The following WDR7 variants were observed in gnomAD, a reference collection of about 807,000 sequenced individuals.
WDR7 encodes the protein WD repeat domain 7, also known as WD repeat-containing protein 7.
In WDR7, 46 loss-of-function variants were observed where a neutral mutation model predicts 169.4. That is an observed-to-expected ratio of 0.27 (90% CI 0.21 to 0.35). The LOEUF (loss-of-function observed/expected upper bound fraction) is 0.35. Ranked by LOEUF, WDR7 falls within the 10% of genes least tolerant of loss-of-function variation. The pLI is 1.00. For missense variants in WDR7, 1,534 were observed against 1,859.3 expected (o/e 0.83, Z 3.22); for synonymous variants, 612 against 666.8 (o/e 0.92, Z 1.27).
intron 26 of WDR7, among the ~76,000 whole-genome samples, chr18:56,964,634 C>T (rs1260019586): frequency 6.6e-6 from 1 of 152,096 alleles, no homozygotes; most frequent in Admixed American, 6.5e-5. Context: ...GTGATCCGCC[C>T]ACCTCAGCCT....
chr18:56,681,530 G>C (rs1486746709), intron 4 of WDR7, 139 bp downstream of exon 4: 5 of 528,300 alleles, frequency 9.5e-6, no homozygotes, highest in Non-Finnish European at 1.6e-5. Flanking sequence ...GAATTGAAGC[G>C]GTAAAAGTGT....
chr18:56,666,066 A>G (rs2025014069), intron 1 of WDR7, among the ~76,000 whole-genome samples: 1 of 152,016 alleles, frequency 6.6e-6, no homozygotes, highest in South Asian at 2.1e-4. Context: ...GGCTGAGGCA[A>G]TCCTTAGTGG....
At chr18:56,999,605 C>T (rs1466098942) in intron 26 of WDR7, among the ~76,000 whole-genome samples, 1 of 151,988 alleles carries the variant, frequency 6.6e-6, no homozygotes, top group Non-Finnish European at 1.5e-5. Context: ...GTGGTGGGCA[C>T]TTATCAAGGA....
rs570021558 is a variant in WDR7 at position 57,015,235 on chromosome 18, A to G, written c.4165-5510A>G. On this transcript the variant is annotated intron_variant, in intron 26 of 27. Coordinates refer to ENST00000254442, the MANE Select transcript of WDR7 (RefSeq NM_015285.3). Reference sequence around the variant, plus strand: ...ACCATGTGATCTTAAGAGCCTATGCACAAAGAGACTTGAGAAGGCTTAGTT... The same window carrying G: ...ACCATGTGATCTTAAGAGCCTATGCGCAAAGAGACTTGAGAAGGCTTAGTT... 3.9e-5 allele frequency among the ~76,000 whole-genome samples: 6 copies of G among 152,360 alleles called. No homozygotes were observed. The South Asian group carries it at 8.3e-4, about 21-fold the overall frequency.
chr18:56,699,493 G>A (rs1237131343), intron 12 of WDR7, among the ~76,000 whole-genome samples: 1 of 152,188 alleles, frequency 6.6e-6, no homozygotes, highest in Non-Finnish European at 1.5e-5. Flanking sequence ...CAAAAGTAAT[G>A]ATTAGAGATA....
intron 19 of WDR7, among the ~76,000 whole-genome samples, chr18:56,795,266 C>T (rs1164389290): frequency 6.6e-6 from 1 of 152,162 alleles, no homozygotes; most frequent in Non-Finnish European, 1.5e-5. Flanking sequence ...TAATTACTGA[C>T]ATTCTGTGCC....
At chr18:56,846,970 A>T (rs2045577763) in intron 20 of WDR7, among the ~76,000 whole-genome samples, 1 of 152,210 alleles carries the variant, frequency 6.6e-6, no homozygotes, top group Admixed American at 6.5e-5. Flanking sequence ...CTTTAAATAT[A>T]CCTGAAGATG....
chr18:56,988,785 G>A (rs977762212), intron 26 of WDR7, among the ~76,000 whole-genome samples: 11 of 152,214 alleles, frequency 7.2e-5, no homozygotes, highest in African/African-American at 2.4e-4. Context: ...ATATTAATTG[G>A]ATGTTTGGTT....
chr18:56,931,191 A>G (rs1031802638), intron 22 of WDR7, among the ~76,000 whole-genome samples: 5 of 152,168 alleles, frequency 3.3e-5, no homozygotes, highest in Non-Finnish European at 7.4e-5. Context: ...GGTGATCCGC[A>G]TAACAGCCAG....
At chr18:56,961,767 G>T (rs577280513) in intron 25 of WDR7, among the ~76,000 whole-genome samples, 2 of 152,044 alleles carry the variant, frequency 1.3e-5, no homozygotes, top group Non-Finnish European at 2.9e-5. Context: ...TGCAATATAA[G>T]TACCAAATAT....
intron 12 of WDR7, among the ~76,000 whole-genome samples, chr18:56,697,992 G>A (rs73496816): frequency 1.3e-5 from 2 of 152,046 alleles, no homozygotes; most frequent in Middle Eastern, 3.4e-3. Flanking sequence ...TTGGGAGTTC[G>A]AGAACAGCCT....
chr18:56,763,541 G>C (rs1338786328), intron 16 of WDR7, among the ~76,000 whole-genome samples: 3 of 152,164 alleles, frequency 2.0e-5, no homozygotes, highest in East Asian at 3.8e-4. Flanking sequence ...GAGGAAGTTT[G>C]GTCTTTAGTT....
intron 20 of WDR7, among the ~76,000 whole-genome samples, chr18:56,819,430 A>G (rs1025529265): frequency 1.8e-4 from 27 of 152,146 alleles, no homozygotes; most frequent in African/African-American, 6.5e-4. Flanking sequence ...GATCGGCTCT[A>G]CAGAGTAATG....
chr18:56,766,382 G>A (rs1211409569), intron 16 of WDR7, among the ~76,000 whole-genome samples: 1 of 151,896 alleles, frequency 6.6e-6, no homozygotes. Flanking sequence ...TTACATGTAC[G>A]TTAGGCTGAT....
intron 12 of WDR7, among the ~76,000 whole-genome samples, chr18:56,705,327 A>G (rs2025924732): frequency 6.6e-6 from 1 of 151,904 alleles, no homozygotes; most frequent in Non-Finnish European, 1.5e-5. Context: ...ATTTAGTCTA[A>G]TGAGGGAGCC....
intron 26 of WDR7, among the ~76,000 whole-genome samples, chr18:56,976,705 C>A (rs1383682088): frequency 6.6e-6 from 1 of 152,194 alleles, no homozygotes; most frequent in Non-Finnish European, 1.5e-5. Context: ...AAAACAAATA[C>A]ACCCGTTAAG....
chr18:56,956,592 C>G (rs2047253801), intron 25 of WDR7, among the ~76,000 whole-genome samples: 1 of 152,116 alleles, frequency 6.6e-6, no homozygotes, highest in South Asian at 2.1e-4. Context: ...CTGGTACCTT[C>G]TTGGGGTCAA....
chr18:56,692,495 A>G (rs1381667386), intron 9 of WDR7, among the ~76,000 whole-genome samples: 1 of 141,780 alleles, frequency 7.1e-6, no homozygotes, highest in Non-Finnish European at 1.5e-5. Context: ...CATTCTGAAC[A>G]TTACGTCTCA....
intron 20 of WDR7, among the ~76,000 whole-genome samples, chr18:56,859,930 G>T (rs1182464684): frequency 1.3e-5 from 2 of 152,072 alleles, no homozygotes. Context: ...TATCTTTATG[G>T]TTTTAGTAGC....
Sources: allele counts gnomAD v4.1 joint callset (sites outside exome capture counted in the v4.1 genomes callset), GRCh38; gene constraint gnomAD v4.1.1; transcripts MANE v1.5; gene names NCBI Gene and HGNC (gene_info 2026-07-23, HGNC 2026-07-21).